LYST: variants seen among roughly 807,000 people sequenced by gnomAD.
LYST encodes the protein lysosomal trafficking regulator.
LYST carries 192 observed loss-of-function variants against 413.6 expected under a neutral mutation model. That is an observed-to-expected ratio of 0.46 (90% CI 0.41 to 0.52). The LOEUF is 0.52. Ranked by LOEUF, LYST falls within the 20% of genes least tolerant of loss-of-function variation. LYST has a pLI of 0.00. For synonymous variants in LYST, 1,525 were observed against 1,567.3 expected, an observed-to-expected ratio of 0.97 and a Z score of 0.64; for missense variants, 3,815 against 4,499.9, an observed-to-expected ratio of 0.85 and a Z score of 4.35.
rs777999141 is a variant in LYST, at chr1:235,808,814, G to A, written c.2004C>T (p.Ser668=). The A allele has an allele frequency of 3.7e-6, 6 of 1,614,014 alleles. No individual in the cohort carries two copies. Among genetic ancestry groups the A allele is most frequent in the South Asian group, 1.1e-5 (1 of 91,078 alleles). The part of the protein sequence containing the change: ...LCDAELSSSL[S]SPSYRFQGIL... ...TCCCTTGAAATCTGTAAGAAGGACT[G>A]GATAAACTTGAGGAGAGTTCAGCAT... The change falls in exon 5 of 53, where the codon TCC becomes TCT. Residue 668 remains serine (S), a synonymous_variant. Transcript: ENST00000389793.
intron 49 of LYST, 99 bp downstream of exon 49, chr1:235,677,381 G>T: frequency 1.5e-6 from 2 of 1,310,470 alleles, no homozygotes; most frequent in African/African-American, 1.5e-5. Context: ...TGGTTAAAAT[G>T]ATTATAACGT....
intron 4 of LYST, 42 bp from the exon 5 acceptor site, chr1:235,810,576 T>C (rs368906017): frequency 5.1e-6 from 8 of 1,556,616 alleles, no homozygotes; most frequent in Non-Finnish European, 7.0e-6. Context: ...CCTCAATATG[T>C]TTTAAAACTC....
Position 235,781,912 on chromosome 1 carries a change from T to C in LYST, c.5023+15A>G, listed in dbSNP as rs901989937. On this transcript the variant is annotated intron_variant, in intron 15 of 52. Transcript: ENST00000389793. The stretch of plus-strand genomic sequence containing the variant: ...CCCAGGCTGAAGTGCAGTGGTGCAA[T>C]CATAGCTCACTCACCGTTGAAGAGA... 1.3e-6 allele frequency: 2 copies of C among 1,571,776 alleles called. No individual in the cohort carries two copies. The highest frequency in any genetic ancestry group is 1.7e-5 in the Admixed American group (1 of 59,952).
intron 3 of LYST, among the ~76,000 whole-genome samples, chr1:235,820,536 A>G (rs868395204): frequency 2.0e-5 from 3 of 151,738 alleles, no homozygotes; most frequent in African/African-American, 7.3e-5. Flanking sequence ...CACCTGGTTG[A>G]TTTTTGTATT....
Position 235,810,156 on chromosome 1 carries a change from A to G in LYST, c.662T>C (p.Leu221Ser). ...KEQTPPDAMA[L>S]ENSREIIPRQ... ...TGGAATAATCTCTCTGGAATTTTCC[A>G]AAGCCATAGCATCTGGAGGAGTCTG... The change falls in exon 5 of 53, where the codon TTG becomes TCG. Residue 221 changes from leucine (L) to serine (S), a missense_variant. By Grantham distance (145) the Leu-to-Ser change is moderately radical (BLOSUM62 -2). Around this residue, in one of 4 missense-constraint regions of LYST, gnomAD observed 1,648 missense variants for 1,810.3 expected, o/e 0.91. Coordinates refer to ENST00000389793, the MANE Select transcript of LYST (RefSeq NM_000081.4). 2 of 1,614,186 alleles carry G rather than the reference A, an allele frequency of 1.2e-6. No homozygotes were observed. Among genetic ancestry groups the G allele is most frequent in the Non-Finnish European group, 1.7e-6 (2 of 1,180,000 alleles).
intron 48 of LYST, among the ~76,000 whole-genome samples, chr1:235,679,864 A>G (rs1659673437): frequency 6.6e-6 from 1 of 152,166 alleles, no homozygotes; most frequent in African/African-American, 2.4e-5. Context: ...GAGGCTGTCC[A>G]AGGACAGTGT....
intron 21 of LYST, among the ~76,000 whole-genome samples, chr1:235,765,080 C>T (rs1216485041): frequency 6.6e-6 from 1 of 152,146 alleles, no homozygotes. Flanking sequence ...CAGAGCTTCA[C>T]CTCACTTCTA....
chr1:235,768,373 G>T (rs1404624133), intron 20 of LYST, among the ~76,000 whole-genome samples: 1 of 151,886 alleles, frequency 6.6e-6, no homozygotes, highest in Admixed American at 6.6e-5. Context: ...CCAGGGTTCA[G>T]GTTCTTTATG....
chr1:235,678,417 G>C (rs562403620), intron 48 of LYST, among the ~76,000 whole-genome samples: 4 of 152,250 alleles, frequency 2.6e-5, no homozygotes, highest in African/African-American at 9.6e-5. Context: ...TAATGCTACC[G>C]ATACTCAGCA....
intron 43 of LYST, among the ~76,000 whole-genome samples, chr1:235,710,755 G>A (rs1356540965): frequency 2.0e-5 from 3 of 152,148 alleles, no homozygotes; most frequent in African/African-American, 2.4e-5. Flanking sequence ...GTGATGCTGC[G>A]TGGCTGCTAA....
At chr1:235,707,280 G>A (rs1053881164) in intron 44 of LYST, among the ~76,000 whole-genome samples, 2 of 152,186 alleles carry the variant, frequency 1.3e-5, no homozygotes, top group African/African-American at 2.4e-5. Context: ...TTCCTGAAGA[G>A]GTAAGATTTT....
chr1:235,696,294 A>G (rs1661096720), intron 46 of LYST, among the ~76,000 whole-genome samples: 1 of 152,224 alleles, frequency 6.6e-6, no homozygotes, highest in Non-Finnish European at 1.5e-5. Flanking sequence ...GTGGAAGGCT[A>G]TATATGGCTC....
At chr1:235,801,584 T>C (rs921677583) in intron 8 of LYST, among the ~76,000 whole-genome samples, 2 of 152,156 alleles carry the variant, frequency 1.3e-5, no homozygotes, top group African/African-American at 4.8e-5. Flanking sequence ...ATTTGACTTA[T>C]ATGATCTTTT....
At chr1:235,800,827 A>T in intron 9 of LYST, 44 bp downstream of exon 9, 1 of 1,297,566 alleles carries the variant, frequency 7.7e-7, no homozygotes, top group South Asian at 1.2e-5. Context: ...TTGGGTGATG[A>T]GTCTGATAAA....
Position 235,712,201 on chromosome 1 carries a change from TA to T in LYST, c.9785-5del. On this transcript the variant is annotated splice_polypyrimidine_tract_variant and splice_region_variant and intron_variant, in intron 42 of 52. Transcript: ENST00000389793. ...TCTGGAATGTCAAAACTTTGATCTA[TA>T]AAAAAATACAAATAATACGATTAAG... 1 of 1,568,262 alleles carries T rather than the reference TA, an allele frequency of 6.4e-7. No homozygotes were observed. Among genetic ancestry groups the T allele is most frequent in the Non-Finnish European group, 8.7e-7 (1 of 1,149,300 alleles).
intron 1 of LYST, among the ~76,000 whole-genome samples, chr1:235,837,638 A>G (rs1185579499): frequency 6.6e-6 from 1 of 151,940 alleles, no homozygotes; most frequent in Non-Finnish European, 1.5e-5. Flanking sequence ...AAAAAAAAAA[A>G]AAGAATTCTG....
Position 235,809,419 on chromosome 1 carries a change from C to T in LYST, c.1399G>A (p.Glu467Lys). 8.1e-6 allele frequency: 13 copies of T among 1,614,018 alleles called. No individual in the cohort carries two copies. The highest frequency in any genetic ancestry group is 9.3e-6 in the Non-Finnish European group (11 of 1,180,000). ...CTATTTATTAGGGCTTTCAAATGCT[C>T]TGAGGCCTCGGGAGGAACTCCATCT... The part of the protein sequence containing the change: ...LRDGVPPEAS[E>K]HLKALINSVM... Residue 467 changes from glutamate (E) to lysine (K), a missense_variant, in exon 5 of 53, where the codon GAG becomes AAG. By Grantham distance (56) the Glu-to-Lys change is moderately conservative. Transcript: ENST00000389793. The surrounding 1 kb of genome is among the most constrained non-coding windows in gnomAD (Gnocchi z 4.0).
chr1:235,740,626 A>T (rs1665292046), intron 31 of LYST, among the ~76,000 whole-genome samples: 1 of 152,304 alleles, frequency 6.6e-6, no homozygotes, highest in African/African-American at 2.4e-5. Flanking sequence ...ATAATAGTCT[A>T]TATGGTGCTG....
Position 235,795,623 on chromosome 1 carries a change from A to G in LYST, c.4007-2011T>C, listed in dbSNP as rs111936764. ...GCTCTCTTCATTAGGGTGTTTGGGA[A>G]GCCCCTAATCATCCAATGGCACATT... On this transcript the variant is annotated intron_variant, in intron 10 of 52. Transcript: ENST00000389793. 5.5e-3 allele frequency among the ~76,000 whole-genome samples: 832 copies of G among 152,308 alleles called. 17 individuals carry two copies. Among genetic ancestry groups the G allele is most frequent in the African/African-American group, 0.018 (735 of 41,566 alleles).
Sources: allele counts gnomAD v4.1 joint callset (sites outside exome capture counted in the v4.1 genomes callset), GRCh38; gene constraint gnomAD v4.1.1; regional missense constraint gnomAD v4.1.1; non-coding constraint Gnocchi (gnomAD v3.1); transcripts MANE v1.5; gene names NCBI Gene and HGNC (gene_info 2026-07-23, HGNC 2026-07-21).